Variants in TNNI3K observed in about 807,000 individuals in gnomAD.
TNNI3K encodes serine/threonine-protein kinase TNNI3K.
Under a neutral mutation model 114.5 loss-of-function variants are expected in TNNI3K, and 140 were observed. The observed-to-expected ratio is 1.22, with a 90% CI of 1.07 to 1.41. The LOEUF is 1.41. Ranked by LOEUF, TNNI3K falls within the 40% of genes most tolerant of loss-of-function variation. The pLI, the probability that TNNI3K is intolerant of heterozygous loss-of-function variation, is 0.00. For missense variants in TNNI3K, 1,125 were observed against 1,007.6 expected (o/e 1.12, Z -1.58); for synonymous variants, 347 against 347.5 (o/e 1.00, Z 0.02).
intron 17 of TNNI3K, among the ~76,000 whole-genome samples, chr1:74,435,213 A>C (rs643371): frequency 0.92 from 140,273 of 152,042 alleles, 64,708 homozygotes; most frequent in East Asian, 0.97. Flanking sequence ...TTTACTAATT[A>C]TGGGGAAGAG....
intron 24 of TNNI3K, 81 bp downstream of exon 24, chr1:74,540,394 A>AT: frequency 7.8e-7 from 1 of 1,278,364 alleles, no homozygotes; most frequent in East Asian, 2.4e-5. Context: ...GGGAGAAAGC[A>AT]TTGCATATTG....
intron 23 of TNNI3K, among the ~76,000 whole-genome samples, chr1:74,531,766 T>C (rs899389386): frequency 6.6e-6 from 1 of 152,208 alleles, no homozygotes; most frequent in Admixed American, 6.5e-5. Context: ...GTATAAGAGA[T>C]AACTTCTAAG....
At chr1:74,321,654 G>A (rs1659617506) in intron 5 of TNNI3K, among the ~76,000 whole-genome samples, 1 of 151,680 alleles carries the variant, frequency 6.6e-6, no homozygotes, top group Non-Finnish European at 1.5e-5. Context: ...TTATTTCCAT[G>A]ACTTTTTAGA....
intron 4 of TNNI3K, among the ~76,000 whole-genome samples, chr1:74,269,691 G>A (rs762128551): frequency 5.3e-5 from 8 of 151,800 alleles, no homozygotes; most frequent in Non-Finnish European, 1.2e-4. Context: ...GTCAGCCTGG[G>A]AAAATTATAA....
intron 23 of TNNI3K, among the ~76,000 whole-genome samples, chr1:74,529,016 G>A (rs1435615092): frequency 2.0e-5 from 3 of 152,122 alleles, no homozygotes; most frequent in Non-Finnish European, 4.4e-5. Context: ...TCAACTATGA[G>A]TTAATTTGAG....
At chr1:74,509,517 G>T (rs936510521) in intron 23 of TNNI3K, among the ~76,000 whole-genome samples, 3 of 152,116 alleles carry the variant, frequency 2.0e-5, no homozygotes, top group Non-Finnish European at 4.4e-5. Context: ...GTCCTTTATT[G>T]TTTAGGGCAA....
rs60688934 is a variant in TNNI3K, at chr1:74,543,064, C to CTTTTTTTTTTTTTTTTTTTTTTTTT, written c.2432-837_2432-813dup. 2.5e-3 allele frequency among the ~76,000 whole-genome samples: 17 copies of CTTTTTTTTTTTTTTTTTTTTTTTTT among 6,750 alleles called. 8 individuals carry two copies. The highest frequency in any genetic ancestry group is 0.011 in the South Asian group (2 of 186). 4.4% of individuals were successfully genotyped at this position (6,750 alleles called of 152,430 possible). On this transcript the variant is annotated intron_variant, in intron 24 of 24. Transcript: ENST00000326637. ...CTTTTCCTTTTCTTTTTCTTTTTCC[C>CTTTTTTTTTTTTTTTTTTTTTTTTT]TTTTTTTTTTTTTTTTTTTTTTTTT...
chr1:74,248,029 GCT>G (rs895618323), intron 2 of TNNI3K, among the ~76,000 whole-genome samples: 3 of 152,106 alleles, frequency 2.0e-5, no homozygotes, highest in Admixed American at 2.0e-4. Context: ...GGCATGGCGG[GCT>G]GCAGGTCCTG....
At chr1:74,455,071 G>A (rs898089010) in intron 20 of TNNI3K, among the ~76,000 whole-genome samples, 2 of 152,108 alleles carry the variant, frequency 1.3e-5, no homozygotes, top group African/African-American at 4.8e-5. Context: ...ATAGGTCGCT[G>A]ACCAGGCCAT....
chr1:74,240,757 A>G (rs1654141626), intron 2 of TNNI3K: 1 of 152,004 alleles, frequency 6.6e-6, no homozygotes, highest in Non-Finnish European at 1.5e-5. Flanking sequence ...TACTCCAGAA[A>G]AGTTATAATT....
intron 17 of TNNI3K, among the ~76,000 whole-genome samples, chr1:74,394,045 A>G (rs553385231): frequency 6.6e-6 from 1 of 152,300 alleles, no homozygotes; most frequent in South Asian, 2.1e-4. Flanking sequence ...AACTCTATTG[A>G]TTTATTGGAC....
chr1:74,524,436 G>A (rs1158381882), intron 23 of TNNI3K, among the ~76,000 whole-genome samples: 1 of 152,178 alleles, frequency 6.6e-6, no homozygotes, highest in East Asian at 1.9e-4. Flanking sequence ...CACAGCTAGA[G>A]TATGTAGGGC....
chr1:74,507,787 A>G (rs984515962), intron 23 of TNNI3K, among the ~76,000 whole-genome samples: 2 of 152,238 alleles, frequency 1.3e-5, no homozygotes, highest in Non-Finnish European at 2.9e-5. Flanking sequence ...ACCGTCATCC[A>G]GGAACATGGG....
chr1:74,447,350 G>A (rs1046632085), intron 20 of TNNI3K, among the ~76,000 whole-genome samples: 3 of 149,892 alleles, frequency 2.0e-5, no homozygotes, highest in Middle Eastern at 3.2e-3. Flanking sequence ...TTTGTCTGTT[G>A]TTGGTGTATA....
chr1:74,504,732 C>A (rs1669803551), intron 23 of TNNI3K, among the ~76,000 whole-genome samples: 1 of 151,964 alleles, frequency 6.6e-6, no homozygotes, highest in African/African-American at 2.4e-5. Flanking sequence ...AACATATCCA[C>A]CTGAGAGAGA....
At chr1:74,310,442 C>T (rs1658918321) in intron 5 of TNNI3K, among the ~76,000 whole-genome samples, 1 of 152,140 alleles carries the variant, frequency 6.6e-6, no homozygotes, top group Non-Finnish European at 1.5e-5. Flanking sequence ...TTACCAATGT[C>T]ATTTTTCACA....
chr1:74,262,178 G>GGGACAGA, intron 4 of TNNI3K, among the ~76,000 whole-genome samples: 1 of 152,196 alleles, frequency 6.6e-6, no homozygotes, highest in South Asian at 2.1e-4. Flanking sequence ...TTTAGACCAA[G>GGGACAGA]GTTCAACAGC....
At chr1:74,408,174 G>A (rs1008214621) in intron 17 of TNNI3K, among the ~76,000 whole-genome samples, 1 of 152,098 alleles carries the variant, frequency 6.6e-6, no homozygotes, top group African/African-American at 2.4e-5. Flanking sequence ...AATCTACCTT[G>A]TTTCCACGAC....
At chr1:74,406,631 T>C (rs1664628166) in intron 17 of TNNI3K, among the ~76,000 whole-genome samples, 1 of 152,220 alleles carries the variant, frequency 6.6e-6, no homozygotes. Flanking sequence ...ATAATCTCCT[T>C]ATTTTAAGGC....
Sources: gnomAD v4.1 joint callset for allele counts (sites outside exome capture counted in the v4.1 genomes callset) on GRCh38, gnomAD v4.1.1 for gene constraint, MANE v1.5 for transcripts, NCBI Gene and HGNC (gene_info 2026-07-23, HGNC 2026-07-21) for gene names.